PARD3: variants seen among roughly 807,000 people sequenced by gnomAD.
PARD3 encodes the protein par-3 family cell polarity regulator, also known as partitioning defective 3 homolog.
PARD3 carries 75 observed loss-of-function variants against 155.4 expected under a neutral mutation model. The observed-to-expected ratio is 0.48, with a 90% CI of 0.40 to 0.58. PARD3 has a LOEUF of 0.58. Among genes scored for constraint, PARD3 ranks in the 20% least tolerant of loss-of-function variants. PARD3 has a pLI of 0.00. For missense variants in PARD3, 1,642 were observed against 1,721.7 expected (o/e 0.95, Z 0.82); for synonymous variants, 576 against 610.5 (o/e 0.94, Z 0.83).
intron 2 of PARD3, among the ~76,000 whole-genome samples, chr10:34,598,166 A>G (rs2089460012): frequency 6.6e-6 from 1 of 152,180 alleles, no homozygotes; most frequent in Non-Finnish European, 1.5e-5. Context: ...TCATCTACTT[A>G]GGACACTGAA....
chr10:34,768,617 CT>C (rs1316984659), intron 1 of PARD3, among the ~76,000 whole-genome samples: 1 of 152,204 alleles, frequency 6.6e-6, no homozygotes, highest in African/African-American at 2.4e-5. Flanking sequence ...CTTTTCCCTG[CT>C]TAGTGATTTT....
intron 22 of PARD3, among the ~76,000 whole-genome samples, chr10:34,240,031 T>C (rs1284419659): frequency 6.6e-6 from 1 of 152,228 alleles, no homozygotes; most frequent in African/African-American, 2.4e-5. Flanking sequence ...AGCAATCCTA[T>C]GTGACAGGAA....
At chr10:34,149,985 A>C (rs1948702132) in intron 22 of PARD3, among the ~76,000 whole-genome samples, 2 of 152,246 alleles carry the variant, frequency 1.3e-5, no homozygotes, top group Admixed American at 6.5e-5. Context: ...CAGCTATTTT[A>C]AGAAGCTGCT....
intron 1 of PARD3, among the ~76,000 whole-genome samples, chr10:34,741,763 A>G (rs2095023163): frequency 6.6e-6 from 1 of 152,212 alleles, no homozygotes; most frequent in Non-Finnish European, 1.5e-5. Flanking sequence ...AGTAGGCACT[A>G]CTGAGAAATC....
At chr10:34,468,546 T>C (rs2078151452) in intron 4 of PARD3, among the ~76,000 whole-genome samples, 1 of 152,220 alleles carries the variant, frequency 6.6e-6, no homozygotes, top group Non-Finnish European at 1.5e-5. Flanking sequence ...TTCTGCTTCT[T>C]TGGATAGTCT....
In PARD3 at chr10:34,377,972, T is replaced by C. The variant is rs779702389; in HGVS notation, c.1534A>G (p.Ile512Val). The C allele has an allele frequency of 7.0e-6, 11 of 1,569,210 alleles. No homozygotes were observed. The highest frequency in any genetic ancestry group is 1.4e-5 in the African/African-American group (1 of 71,498). The change falls in exon 10 of 25, where the codon ATA becomes GTA. Residue 512 changes from isoleucine (I) to valine (V), a missense_variant. By Grantham distance (29) the Ile-to-Val change is conservative. This residue lies in a region of PARD3 where 1,529 missense variants were observed against 1,587.3 expected (regional missense o/e 0.96). Coordinates refer to ENST00000374788, the MANE Select transcript of PARD3 (RefSeq NM_001184785.2). ...DGRLKAGDRL[I>V]EVNGVDLVGK... is the part of the protein sequence containing the mutation. The stretch of plus-strand genomic sequence containing the variant: ...CTGCTGGGGAAGTCACTTACCTCTA[T>C]AAGTCTGTCTCCTGCCTTAAGTCGG...
intron 7 of PARD3, among the ~76,000 whole-genome samples, chr10:34,394,186 T>C (rs1589418395): frequency 6.6e-6 from 1 of 151,878 alleles, no homozygotes; most frequent in Non-Finnish European, 1.5e-5. Flanking sequence ...TCACCACACC[T>C]GGCTAATGTT....
At chr10:34,275,906 T>A (rs1955853795) in intron 21 of PARD3, among the ~76,000 whole-genome samples, 1 of 152,132 alleles carries the variant, frequency 6.6e-6, no homozygotes, top group African/African-American at 2.4e-5. Context: ...ACAGTCAGAT[T>A]GTTGTTCAGC....
At chr10:34,775,592 G>C (rs1839426485) in intron 1 of PARD3, among the ~76,000 whole-genome samples, 1 of 152,192 alleles carries the variant, frequency 6.6e-6, no homozygotes, top group African/African-American at 2.4e-5. Flanking sequence ...GCCAGTTCAA[G>C]GTGCCCTTTG....
At chr10:34,680,598 C>T (rs1295425605) in intron 2 of PARD3, among the ~76,000 whole-genome samples, 5 of 144,492 alleles carry the variant, frequency 3.5e-5, no homozygotes, top group African/African-American at 1.0e-4. Context: ...GAATGAGAAG[C>T]GGGAGGGGGA....
chr10:34,294,322 C>G (rs185591865), intron 20 of PARD3, among the ~76,000 whole-genome samples: 1 of 152,172 alleles, frequency 6.6e-6, no homozygotes, highest in Non-Finnish European at 1.5e-5. Flanking sequence ...GTTACAGCAA[C>G]GGAAACACCT....
intron 22 of PARD3, among the ~76,000 whole-genome samples, chr10:34,250,156 CA>C (rs201252012): frequency 6.6e-6 from 1 of 151,486 alleles, no homozygotes; most frequent in Non-Finnish European, 1.5e-5. Context: ...GCTCCCCCTC[CA>C]CACACACACA....
chr10:34,419,612 T>G (rs1388653186), intron 5 of PARD3, among the ~76,000 whole-genome samples: 1 of 152,200 alleles, frequency 6.6e-6, no homozygotes, highest in Non-Finnish European at 1.5e-5. Flanking sequence ...GTATGTCTAT[T>G]TAGAAAATGT....
rs147345360 is a variant in PARD3, at chr10:34,461,503, G to T, written c.582+8582C>A. 9.1e-3 allele frequency among the ~76,000 whole-genome samples: 1,384 copies of T among 152,262 alleles called. 35 individuals are homozygous for T. Among genetic ancestry groups the T allele is most frequent in the Admixed American group, 0.055 (844 of 15,290 alleles). On this transcript the variant is annotated intron_variant, in intron 4 of 24. Transcript: ENST00000374788. ...CGCCTGTAATCCCAGCTACTGGGGGGGCTGAGGCAGGAGTTTCGCTTGAAC... is the reference window on the plus strand; with the variant it reads ...CGCCTGTAATCCCAGCTACTGGGGGTGCTGAGGCAGGAGTTTCGCTTGAAC...
intron 22 of PARD3, among the ~76,000 whole-genome samples, chr10:34,225,439 G>A (rs560748400): frequency 7.3e-5 from 11 of 151,704 alleles, no homozygotes; most frequent in African/African-American, 2.7e-4. Flanking sequence ...TCCACCTCCC[G>A]GGTTCAAGTG....
At chr10:34,577,684 T>A (rs1177966004) in intron 2 of PARD3, among the ~76,000 whole-genome samples, 4 of 152,150 alleles carry the variant, frequency 2.6e-5, no homozygotes, top group Non-Finnish European at 5.9e-5. Flanking sequence ...AAAAAAAATT[T>A]CATCACTAAC....
chr10:34,746,133 C>G (rs927255143), intron 1 of PARD3, among the ~76,000 whole-genome samples: 1 of 151,706 alleles, frequency 6.6e-6, no homozygotes, highest in Non-Finnish European at 1.5e-5. Context: ...AATTAAGAAA[C>G]AAAGAAGCCA....
intron 22 of PARD3, among the ~76,000 whole-genome samples, chr10:34,161,661 A>G (rs893583693): frequency 5.3e-5 from 8 of 152,184 alleles, no homozygotes; most frequent in African/African-American, 1.9e-4. Context: ...AGCTGGAAAA[A>G]AACATAAAAG....
chr10:34,608,534 C>T (rs1229731352), intron 2 of PARD3, among the ~76,000 whole-genome samples: 14 of 125,402 alleles, frequency 1.1e-4, no homozygotes, highest in African/African-American at 3.2e-4. Context: ...AAAAAGAATA[C>T]TTTTTTTTTT....
Sources: gnomAD v4.1 joint callset for allele counts (sites outside exome capture counted in the v4.1 genomes callset) on GRCh38, gnomAD v4.1.1 for gene constraint, gnomAD v4.1.1 regional missense constraint, MANE v1.5 for transcripts, NCBI Gene and HGNC (gene_info 2026-07-23, HGNC 2026-07-21) for gene names.